Variants in TENM2 observed in about 807,000 individuals in gnomAD.
TENM2 encodes teneurin-2.
A neutral mutation model predicts 245.2 loss-of-function variants in TENM2; 52 were observed. The ratio of observed to expected loss-of-function variants is 0.21; its 90% CI spans 0.17 to 0.27. The LOEUF is 0.27. Ranked by LOEUF, TENM2 falls within the 10% of genes least tolerant of loss-of-function variation. The probability of loss-of-function intolerance (pLI) is 1.00; values close to 1 mark genes in which losing one functional copy is unlikely to be tolerated. For missense variants in TENM2, 3,046 were observed against 3,666.8 expected (o/e 0.83, Z 4.37); for synonymous variants, 1,363 against 1,438.9 (o/e 0.95, Z 1.19).
the TENM2 span, among the ~76,000 whole-genome samples, chr5:166,989,174 A>T: frequency 1.4e-5 from 2 of 147,886 alleles, no homozygotes; most frequent in African/African-American, 5.0e-5. Flanking sequence ...GGTTCAAGTG[A>T]TTCTCCTGCC....
intron 2 of TENM2, among the ~76,000 whole-genome samples, chr5:167,422,025 T>C (rs1763537655): frequency 6.6e-6 from 1 of 152,114 alleles, no homozygotes. Flanking sequence ...CTCCTGACCT[T>C]GTGATCCACC....
chr5:167,745,425 A>C (rs1233657184), intron 2 of TENM2, among the ~76,000 whole-genome samples: 1 of 152,178 alleles, frequency 6.6e-6, no homozygotes, highest in African/African-American at 2.4e-5. Flanking sequence ...GTAAGCCTTG[A>C]GACACTGTTC....
chr5:167,223,961 A>G, the TENM2 span, among the ~76,000 whole-genome samples: 4 of 152,146 alleles, frequency 2.6e-5, no homozygotes, highest in Admixed American at 2.6e-4. Context: ...GCATTTTGTC[A>G]TATACCTGTT....
At chr5:167,294,669 G>A (rs189937235) in intron 1 of TENM2, among the ~76,000 whole-genome samples, 65 of 151,616 alleles carry the variant, frequency 4.3e-4, no homozygotes, top group South Asian at 6.3e-4. Context: ...GGACATATTC[G>A]GCCCCTAGAT....
At chr5:167,580,782 G>C (rs906936176) in intron 2 of TENM2, among the ~76,000 whole-genome samples, 20 of 152,184 alleles carry the variant, frequency 1.3e-4, no homozygotes, top group Non-Finnish European at 2.2e-4. Flanking sequence ...TTGAGGCCAG[G>C]AATTGAGACC....
chr5:167,824,556 C>A (rs1419298393), intron 2 of TENM2, among the ~76,000 whole-genome samples: 1 of 152,140 alleles, frequency 6.6e-6, no homozygotes, highest in East Asian at 1.9e-4. Context: ...AGATGCTTAG[C>A]AAATCAAGGA....
At chr5:168,048,814 C>G (rs1230143986) in intron 6 of TENM2, among the ~76,000 whole-genome samples, 1 of 152,192 alleles carries the variant, frequency 6.6e-6, no homozygotes, top group Non-Finnish European at 1.5e-5. Context: ...AATCGCTGTA[C>G]TCATCTGTCA....
intron 3 of TENM2, among the ~76,000 whole-genome samples, chr5:167,917,071 A>G (rs1777009168): frequency 6.6e-6 from 1 of 152,124 alleles, no homozygotes. Flanking sequence ...CCTTTGTTTG[A>G]TACTGTCAGG....
intron 1 of TENM2, among the ~76,000 whole-genome samples, chr5:167,367,864 A>C (rs575051692): frequency 7.2e-5 from 11 of 152,202 alleles, no homozygotes; most frequent in African/African-American, 2.6e-4. Flanking sequence ...TATGGGCAAA[A>C]ACTTAAGGCA....
At chr5:167,027,707 TATC>T in the TENM2 span, among the ~76,000 whole-genome samples, 1 of 152,220 alleles carries the variant, frequency 6.6e-6, no homozygotes, top group African/African-American at 2.4e-5. Flanking sequence ...AAGAATGAAA[TATC>T]ATCTAAAATC....
chr5:168,198,035 C>T (rs1414449803), intron 15 of TENM2, among the ~76,000 whole-genome samples: 1 of 152,062 alleles, frequency 6.6e-6, no homozygotes, highest in Non-Finnish European at 1.5e-5. Context: ...ACACGAGTGG[C>T]CAGCAAACAT....
intron 4 of TENM2, among the ~76,000 whole-genome samples, chr5:167,973,494 T>A (rs566829452): frequency 6.6e-6 from 1 of 152,140 alleles, no homozygotes; most frequent in South Asian, 2.1e-4. Flanking sequence ...CACAGTCTAG[T>A]GGGAGAAAGG....
At chr5:167,279,518 C>CTTCT in the TENM2 span, among the ~76,000 whole-genome samples, 1 of 88,220 alleles carries the variant, frequency 1.1e-5, no homozygotes, top group Non-Finnish European at 2.3e-5. Flanking sequence ...CCTTCCTTTC[C>CTTCT]TTCCTTCCTT....
chr5:168,106,275 T>A (rs372784825), intron 9 of TENM2, among the ~76,000 whole-genome samples: 2 of 152,204 alleles, frequency 1.3e-5, no homozygotes, highest in Admixed American at 6.5e-5. Flanking sequence ...CTTGCCATTT[T>A]TCTCCCGTTA....
chr5:167,388,388 G>T (rs1035622448), intron 2 of TENM2, among the ~76,000 whole-genome samples: 3 of 151,886 alleles, frequency 2.0e-5, no homozygotes, highest in African/African-American at 4.8e-5. Flanking sequence ...AACTTATTTG[G>T]ATTTTCTCTC....
chr5:168,099,887 C>G (rs937931095), intron 9 of TENM2, among the ~76,000 whole-genome samples: 1 of 152,104 alleles, frequency 6.6e-6, no homozygotes, highest in Non-Finnish European at 1.5e-5. Context: ...GTGAAAGCTT[C>G]GATAAACTTA....
chr5:167,874,790 G>A (rs1187005695), intron 2 of TENM2, among the ~76,000 whole-genome samples: 1 of 152,334 alleles, frequency 6.6e-6, no homozygotes, highest in East Asian at 1.9e-4. Flanking sequence ...CTGTGTGGGA[G>A]GACAACTTCT....
At chr5:167,924,218 T>A (rs1394731473) in intron 3 of TENM2, among the ~76,000 whole-genome samples, 2 of 152,188 alleles carry the variant, frequency 1.3e-5, no homozygotes, top group African/African-American at 4.8e-5. Flanking sequence ...CAGAATCAGG[T>A]GCAGTTTTTG....
chr5:167,657,154 C>T (rs761962419), intron 2 of TENM2, among the ~76,000 whole-genome samples: 2 of 152,142 alleles, frequency 1.3e-5, no homozygotes, highest in African/African-American at 2.4e-5. Flanking sequence ...CTCTCTTCTA[C>T]TTTTAATCTC....
Sources: allele counts gnomAD v4.1 joint callset (sites outside exome capture counted in the v4.1 genomes callset), GRCh38; gene constraint gnomAD v4.1.1; transcripts MANE v1.5; gene names NCBI Gene and HGNC (gene_info 2026-07-23, HGNC 2026-07-21).